C3orf52: variants seen among roughly 807,000 people sequenced by gnomAD.
The protein encoded by C3orf52 is chromosome 3 open reading frame 52.
Under a neutral mutation model 24.8 loss-of-function variants are expected in C3orf52, and 22 were observed. The observed-to-expected ratio is 0.89, with a 90% CI of 0.63 to 1.27. C3orf52 has a LOEUF of 1.27. Ranked by LOEUF, C3orf52 falls within the 50% of genes most tolerant of loss-of-function variation. C3orf52 has a pLI of 0.00. For missense variants in C3orf52, 265 were observed against 260.7 expected (o/e 1.02, Z -0.11); for synonymous variants, 93 against 100.2 (o/e 0.93, Z 0.43).
intron 1 of C3orf52, among the ~76,000 whole-genome samples, chr3:112,089,322 T>G (rs1418432520): frequency 1.3e-5 from 2 of 151,914 alleles, no homozygotes; most frequent in African/African-American, 4.8e-5. Context: ...GGTTGGGAGT[T>G]CGAGACCAGC....
Position 112,116,658 on chromosome 3 carries a change from C to T in C3orf52, c.*12C>T. 6.3e-7 allele frequency: 1 copy of T among 1,591,722 alleles called. No homozygotes were observed. Among genetic ancestry groups the T allele is most frequent in the Admixed American group, 1.7e-5 (1 of 57,338 alleles). ...TCTTTTTAGAATGAAGTGATGGAGG[C>T]TGGTCTCTGTCTGAAAGCAGTGCTC... On this transcript the variant is annotated 3_prime_UTR_variant, in exon 6 of 6. Transcript: ENST00000264848.
intron 3 of C3orf52, among the ~76,000 whole-genome samples, chr3:112,103,385 A>C (rs1356220638): frequency 2.0e-5 from 3 of 152,264 alleles, no homozygotes; most frequent in Non-Finnish European, 4.4e-5. Flanking sequence ...TTGTTAAAAA[A>C]ATAAGTAAAT....
chr3:112,124,680 C>T (rs192024876), intron 4 of C3orf52, among the ~76,000 whole-genome samples: 1 of 151,974 alleles, frequency 6.6e-6, no homozygotes, highest in East Asian at 1.9e-4. Context: ...ATTTAATTAC[C>T]CTCTAGAGAT....
At chr3:112,087,219 GA>G (rs2073838088) in intron 1 of C3orf52, among the ~76,000 whole-genome samples, 1 of 152,158 alleles carries the variant, frequency 6.6e-6, no homozygotes. Flanking sequence ...TCAATTGAAA[GA>G]AAATAATTTC....
chr3:112,102,774 A>C lies in C3orf52; in HGVS notation c.269-64A>C, dbSNP rs538858661. 165 of 1,395,890 alleles carry C rather than the reference A, an allele frequency of 1.2e-4. 4 individuals are homozygous for C. In the South Asian group the frequency reaches 2.2e-3, roughly 19 times the overall value. The allele number at this position is 1,395,890 out of a possible 1,614,324, so 86.5% of individuals were successfully genotyped here. On this transcript the variant is annotated intron_variant, in intron 2 of 5. Coordinates refer to ENST00000264848, the MANE Select transcript of C3orf52 (RefSeq NM_024616.3). ...AGTATGGCAGTCAATGGAATAAATA[A>C]GTTTATTATTATATGCAGGTGTTTA...
downstream of C3orf52, among the ~76,000 whole-genome samples, chr3:112,119,290 G>A (rs966944188): frequency 1.3e-5 from 2 of 152,208 alleles, no homozygotes; most frequent in South Asian, 2.1e-4. Context: ...CAAGAGAATC[G>A]CTTGAACCTA....
At chr3:112,134,893 C>T (rs968442899), downstream of C3orf52, 1 of 154,930 alleles carries the variant, frequency 6.5e-6, no homozygotes, top group Non-Finnish European at 1.5e-5. Context: ...GACTTAAAGC[C>T]TACCTTCTGT....
intron 1 of C3orf52, among the ~76,000 whole-genome samples, chr3:112,089,148 A>C (rs2073854944): frequency 6.6e-6 from 1 of 152,244 alleles, no homozygotes; most frequent in Non-Finnish European, 1.5e-5. Flanking sequence ...CAGTTTTCAA[A>C]TAGAAATCCC....
At chr3:112,101,705 G>A (rs2073973241) in intron 2 of C3orf52, among the ~76,000 whole-genome samples, 1 of 152,192 alleles carries the variant, frequency 6.6e-6, no homozygotes, top group South Asian at 2.1e-4. Context: ...CGGAATACCA[G>A]GAATCTTCCT....
downstream of C3orf52, chr3:112,119,433 G>T: frequency 1.4e-6 from 1 of 702,464 alleles, no homozygotes; most frequent in Admixed American, 2.0e-5. Flanking sequence ...TCAGAGAAAA[G>T]AGTGGTCAGT....
In C3orf52 at chr3:112,089,468, G is replaced by A. The variant is rs116595976; in HGVS notation, c.138+2923G>A. On this transcript the variant is annotated intron_variant, in intron 1 of 5. Transcript: ENST00000264848. ...CGCTTGAACCTGGGAGGCGGAGGTC[G>A]TGGTGAGCCCAGATCACGCCACTGC... Among the ~76,000 whole-genome samples, 1,174 of 150,058 alleles carry A rather than the reference G, an allele frequency of 7.8e-3. 16 individuals carry two copies. Among genetic ancestry groups the A allele is most frequent in the African/African-American group, 0.027 (1,118 of 40,748 alleles).
At chr3:112,105,788 A>G (rs1013137647) in intron 3 of C3orf52, among the ~76,000 whole-genome samples, 4 of 144,198 alleles carry the variant, frequency 2.8e-5, no homozygotes, top group Non-Finnish European at 6.0e-5. Flanking sequence ...GTGCCACTGC[A>G]CTCCAGCCTG....
chr3:112,135,806 G>A (rs901937413), downstream of C3orf52, among the ~76,000 whole-genome samples: 1 of 151,952 alleles, frequency 6.6e-6, no homozygotes, highest in Admixed American at 6.6e-5. Context: ...TCATGTAAAG[G>A]AAGGTCACAA....
At chr3:112,099,876 T>C (rs2073956617) in intron 2 of C3orf52, among the ~76,000 whole-genome samples, 1 of 152,216 alleles carries the variant, frequency 6.6e-6, no homozygotes, top group Non-Finnish European at 1.5e-5. Context: ...ACTTTATGCA[T>C]GTTGGTTTTC....
intron 1 of C3orf52, among the ~76,000 whole-genome samples, chr3:112,088,085 A>G (rs1321531050): frequency 6.6e-6 from 1 of 152,216 alleles, no homozygotes; most frequent in African/African-American, 2.4e-5. Context: ...CGTCCTTGTT[A>G]GTAAGGTATA....
At position 112,116,874 on chromosome 3, in the gene C3orf52, A is replaced by G. The variant is rs1443251928; in HGVS notation, c.*228A>G. The G allele has an allele frequency of 2.6e-6, 4 of 1,537,246 alleles. No homozygotes were observed. The highest frequency in any genetic ancestry group is 3.5e-6 in the Non-Finnish European group (4 of 1,146,910). ...GGGTCCAGTCTTGACAAAGGCAGGAAGCCAGCTAGGGTGGGGGCGATAGGG... is the reference window on the plus strand; with the variant it reads ...GGGTCCAGTCTTGACAAAGGCAGGAGGCCAGCTAGGGTGGGGGCGATAGGG... On this transcript the variant is annotated 3_prime_UTR_variant, in exon 6 of 6. Coordinates refer to ENST00000264848, the MANE Select transcript of C3orf52 (RefSeq NM_024616.3).
downstream of C3orf52, among the ~76,000 whole-genome samples, chr3:112,132,387 C>T (rs1011152122): frequency 8.5e-5 from 13 of 152,120 alleles, no homozygotes; most frequent in East Asian, 9.6e-4. Flanking sequence ...CTAGAGATTA[C>T]CTTGTCTGTG....
chr3:112,091,677 C>G (rs538383358), intron 1 of C3orf52, among the ~76,000 whole-genome samples: 1 of 151,974 alleles, frequency 6.6e-6, no homozygotes, highest in Non-Finnish European at 1.5e-5. Context: ...GTGGACTGAC[C>G]GATTCGTTTT....
At chr3:112,120,272 T>C (rs767785978), downstream of C3orf52, among the ~76,000 whole-genome samples, 1 of 152,200 alleles carries the variant, frequency 6.6e-6, no homozygotes. Context: ...GAATCTACTT[T>C]TCCCTGGAGC....
Sources: gnomAD v4.1 joint callset for allele counts (sites outside exome capture counted in the v4.1 genomes callset) on GRCh38, gnomAD v4.1.1 for gene constraint, MANE v1.5 for transcripts, NCBI Gene and HGNC (gene_info 2026-07-23, HGNC 2026-07-21) for gene names.